Variants in ZNF490 observed in about 807,000 individuals in gnomAD.
The protein encoded by ZNF490 is zinc finger protein 490.
ZNF490 carries 11 observed loss-of-function variants against 17.7 expected under a neutral mutation model. The observed-to-expected ratio is 0.62, with a 90% CI of 0.39 to 1.03. The LOEUF (loss-of-function observed/expected upper bound fraction) is 1.03. Ranked by LOEUF, ZNF490 falls within the 50% of genes least tolerant of loss-of-function variation. ZNF490 has a pLI of 0.00. For missense variants in ZNF490, 542 were observed against 643.4 expected (o/e 0.84, Z 1.71); for synonymous variants, 222 against 216.1 (o/e 1.03, Z -0.24).
intron 2 of ZNF490, among the ~76,000 whole-genome samples, chr19:12,604,810 GC>G (rs1206598220): frequency 2.0e-5 from 3 of 150,170 alleles, no homozygotes; most frequent in African/African-American, 7.4e-5. Flanking sequence ...GGCGACAAGA[GC>G]AAAACTCCGT....
At position 12,577,918 on chromosome 19, in the gene ZNF490, C is replaced by T; in HGVS notation, c.*2567G>A. On this transcript the variant is annotated 3_prime_UTR_variant, in exon 5 of 5. Coordinates refer to ENST00000311437, the MANE Select transcript of ZNF490 (RefSeq NM_020714.3). Reference sequence around the variant, plus strand: ...ACTCCAACAAAGGACAGACCCGACCCCTATCGTGCCTATGCAATTCAGAAA... The same window carrying T: ...ACTCCAACAAAGGACAGACCCGACCTCTATCGTGCCTATGCAATTCAGAAA... 5.1e-6 allele frequency: 5 copies of T among 985,412 alleles called. No homozygotes were observed. Among genetic ancestry groups the T allele is most frequent in the Non-Finnish European group, 6.0e-6 (5 of 829,948 alleles). The allele number at this position is 985,412 out of a possible 1,614,324, so 61.0% of individuals were successfully genotyped here.
Position 12,580,902 on chromosome 19 carries a change from T to C in ZNF490, c.1173A>G (p.Glu391=). Residue 391 remains glutamate (E), a synonymous_variant, in exon 5 of 5, where the codon GAA becomes GAG. Coordinates refer to ENST00000311437, the MANE Select transcript of ZNF490 (RefSeq NM_020714.3). ...ERTHFGEKPY[E]CKQCGKAFNS... is the part of the protein sequence containing the mutation. ...TGAAGGCTTTACCACATTGTTTACA[T>C]TCATAGGGTTTTTCTCCAAAATGAG... is the stretch of plus-strand genomic sequence containing the variant. 6.2e-7 allele frequency: 1 copy of C among 1,614,240 alleles called. No homozygotes were observed. The highest frequency in any genetic ancestry group is 8.5e-7 in the Non-Finnish European group (1 of 1,180,046).
Position 12,577,496 on chromosome 19 carries a change from C to T in ZNF490, c.*2989G>A. 1 of 985,200 alleles carries T rather than the reference C, an allele frequency of 1.0e-6. No homozygotes were observed. The highest frequency in any genetic ancestry group is 1.2e-6 in the Non-Finnish European group (1 of 829,912). 61.0% of individuals were successfully genotyped at this position (985,200 alleles called of 1,614,324 possible). A position where few individuals can be genotyped will look rare whatever the true frequency, so the allele number is the denominator to read the frequency against. On this transcript the variant is annotated 3_prime_UTR_variant, in exon 5 of 5. Coordinates refer to ENST00000311437, the MANE Select transcript of ZNF490 (RefSeq NM_020714.3). The stretch of plus-strand genomic sequence containing the variant: ...GTTGAGTAATAATGTTCCAACCCCT[C>T]ATACTACCATAAATGTTCCTGGTGA...
At chr19:12,601,261 A>G (rs1281536434) in intron 2 of ZNF490, among the ~76,000 whole-genome samples, 1 of 147,912 alleles carries the variant, frequency 6.8e-6, no homozygotes, top group Non-Finnish European at 1.5e-5. Context: ...GGTGGCGGGC[A>G]CCTGTAGTCC....
rs76668661 is a variant in ZNF490 at position 12,580,833 on chromosome 19, G to A, written c.1242C>T (p.Gly414=). The part of the protein sequence containing the change: ...YLQLHERVHT[G]EKTYECKECG... The stretch of plus-strand genomic sequence containing the variant: ...ATTCTTTACATTCGTAAGTTTTCTC[G>A]CCAGTGTGAACTCTTTCGTGCAACT... Residue 414 remains glycine, a synonymous_variant, in exon 5 of 5, where the codon GGC becomes GGT. Transcript: ENST00000311437. The A allele has an allele frequency of 4.5e-4, 732 of 1,613,920 alleles. 6 individuals are homozygous for A. The African/African-American group carries it at 8.5e-3, about 19-fold the overall frequency.
chr19:12,604,198 G>A (rs1322203481), intron 2 of ZNF490, among the ~76,000 whole-genome samples: 5 of 152,184 alleles, frequency 3.3e-5, no homozygotes, highest in Non-Finnish European at 5.9e-5. Flanking sequence ...TCTTCATCTG[G>A]CTGTTCATTC....
intron 2 of ZNF490, among the ~76,000 whole-genome samples, chr19:12,598,437 T>G (rs898514165): frequency 1.3e-5 from 2 of 150,584 alleles, no homozygotes; most frequent in Non-Finnish European, 3.0e-5. Context: ...TGCAGTGGCG[T>G]GATCTCCGCT....
In ZNF490 at chr19:12,581,190, G is replaced by T. The variant is rs982839582; in HGVS notation, c.885C>A (p.Thr295=). The part of the protein sequence containing the change: ...KAFIYYQPFL[T]HERTHTGEKP... ...TCTCTCCAGTGTGAGTCCTTTCGTG[G>T]GTTAGAAAAGGCTGGTAATATATAA... The change falls in exon 5 of 5, where the codon ACC becomes ACA. Residue 295 remains threonine, a synonymous_variant. Coordinates refer to ENST00000311437, the MANE Select transcript of ZNF490 (RefSeq NM_020714.3). The T allele has an allele frequency of 6.2e-7, 1 of 1,610,278 alleles. No individual in the cohort carries two copies. Among genetic ancestry groups the T allele is most frequent in the Non-Finnish European group, 8.5e-7 (1 of 1,176,958 alleles).
At chr19:12,595,186 T>C (rs7247171) in intron 2 of ZNF490, among the ~76,000 whole-genome samples, 93,429 of 151,834 alleles carry the variant, frequency 0.62, 29,576 homozygotes, top group Non-Finnish European at 0.68. Context: ...TTGTTGTCCC[T>C]GCTGGAGTGC....
intron 2 of ZNF490, among the ~76,000 whole-genome samples, chr19:12,593,038 C>T (rs2145152356): frequency 6.6e-6 from 1 of 152,304 alleles, no homozygotes; most frequent in South Asian, 2.1e-4. Context: ...GAAAGTTCCA[C>T]AGGATGCCTT....
intron 2 of ZNF490, among the ~76,000 whole-genome samples, chr19:12,591,396 C>T (rs4602147): frequency 6.9e-6 from 1 of 145,132 alleles, no homozygotes; most frequent in African/African-American, 2.6e-5. Context: ...CGCCGCCCCC[C>T]CAAAAAAGAG....
Position 12,580,839 on chromosome 19 carries a change from G to A in ZNF490, c.1236C>T (p.His412=). ...TACATTCGTAAGTTTTCTCGCCAGT[G>A]TGAACTCTTTCGTGCAACTGAAGGT... ...SSYLQLHERV[H]TGEKTYECKE... is the part of the protein sequence containing the mutation. The change falls in exon 5 of 5, where the codon CAC becomes CAT. Residue 412 remains histidine (H), a synonymous_variant. Coordinates refer to ENST00000311437, the MANE Select transcript of ZNF490 (RefSeq NM_020714.3). The A allele has an allele frequency of 6.2e-7, 1 of 1,614,072 alleles. No individual in the cohort carries two copies. Among genetic ancestry groups the A allele is most frequent in the Non-Finnish European group, 8.5e-7 (1 of 1,179,990 alleles).
chr19:12,595,030 C>T (rs1301993913), intron 2 of ZNF490, among the ~76,000 whole-genome samples: 9 of 152,110 alleles, frequency 5.9e-5, no homozygotes. Flanking sequence ...AGGAGGATTG[C>T]TAGAGCCCAG....
At chr19:12,609,286 TC>T in intron 1 of ZNF490, 84 bp from the exon 2 acceptor site, 2 of 1,161,698 alleles carry the variant, frequency 1.7e-6, no homozygotes, top group East Asian at 2.4e-5. Flanking sequence ...GAAGCATTGT[TC>T]CCCCTGCATC....
chr19:12,606,490 G>C (rs1405665516), intron 2 of ZNF490, among the ~76,000 whole-genome samples: 1 of 151,642 alleles, frequency 6.6e-6, no homozygotes, highest in Non-Finnish European at 1.5e-5. Context: ...GACTACAGGT[G>C]TGCACCACCA....
rs2145139519 is a variant in ZNF490 at position 12,581,487 on chromosome 19, G to A, written c.588C>T (p.Cys196=). 3 of 1,614,152 alleles carry A rather than the reference G, an allele frequency of 1.9e-6. No homozygotes were observed. Among genetic ancestry groups the A allele is most frequent in the South Asian group, 1.1e-5 (1 of 91,086 alleles). The part of the protein sequence containing the change: ...CHEYGEKPHK[C]KECGKTFTRS... ...GAGTGAAGGTTTTCCCACATTCTTT[G>A]CATTTATGTGGCTTCTCTCCATATT... The change falls in exon 5 of 5, where the codon TGC becomes TGT. Residue 196 remains cysteine, a synonymous_variant. Coordinates refer to ENST00000311437, the MANE Select transcript of ZNF490 (RefSeq NM_020714.3).
rs576900143 is a variant in ZNF490 at position 12,578,040 on chromosome 19, T to C, written c.*2445A>G. 2.0e-4 allele frequency: 196 copies of C among 985,438 alleles called. 2 individuals are homozygous for C. In the South Asian group the frequency reaches 6.0e-3, roughly 30 times the overall value. The allele number at this position is 985,438 out of a possible 1,614,324, so 61.0% of individuals were successfully genotyped here. On this transcript the variant is annotated 3_prime_UTR_variant, in exon 5 of 5. Coordinates refer to ENST00000311437, the MANE Select transcript of ZNF490 (RefSeq NM_020714.3). ...AGGTAGTTCCATGGCTTGTGAACCCTGACACCAGCACCTCCCATACACAAC... is the reference window on the plus strand; with the variant it reads ...AGGTAGTTCCATGGCTTGTGAACCCCGACACCAGCACCTCCCATACACAAC...
Position 12,581,172 on chromosome 19 carries a change from AGT to A in ZNF490, c.901_902del (p.Thr301TrpfsTer6), listed in dbSNP as rs2022727526. On this transcript the variant is annotated frameshift_variant, in exon 5 of 5. Coordinates refer to ENST00000311437, the MANE Select transcript of ZNF490 (RefSeq NM_020714.3). LOFTEE classifies it low-confidence loss of function (END_TRUNC). ...GCTTACATTCATAAGGTTTCTCTCC[AGT>A]GTGAGTCCTTTCGTGGGTTAGAAAA... Reference protein sequence around the residue: ...QPFLTHERTHTGEKPYECKQC... With the variant: ...QPFLTHERTHXGEKPYECKQC... 5 of 1,610,452 alleles carry A rather than the reference AGT, an allele frequency of 3.1e-6. No individual in the cohort carries two copies. The highest frequency in any genetic ancestry group is 4.2e-6 in the Non-Finnish European group (5 of 1,176,966).
At chr19:12,593,873 C>T (rs1286257208) in intron 2 of ZNF490, among the ~76,000 whole-genome samples, 1 of 152,164 alleles carries the variant, frequency 6.6e-6, no homozygotes, top group Non-Finnish European at 1.5e-5. Flanking sequence ...AGAAGTCACC[C>T]TCCCACCCCA....
Sources: gnomAD v4.1 joint callset for allele counts (sites outside exome capture counted in the v4.1 genomes callset) on GRCh38, gnomAD v4.1.1 for gene constraint, MANE v1.5 for transcripts, NCBI Gene and HGNC (gene_info 2026-07-23, HGNC 2026-07-21) for gene names.